G2E3: variants seen among roughly 807,000 people sequenced by gnomAD.
G2E3 encodes G2/M-phase specific E3 ubiquitin protein ligase, also known as G2/M phase-specific E3 ubiquitin-protein ligase.
G2E3 carries 35 observed loss-of-function variants against 92.8 expected under a neutral mutation model. That is an observed-to-expected ratio of 0.38 (90% CI 0.29 to 0.50). The LOEUF is 0.50. Among genes scored for constraint, G2E3 ranks in the 20% least tolerant of loss-of-function variants. The probability of loss-of-function intolerance (pLI) is 0.94; values close to 1 mark genes in which losing one functional copy is unlikely to be tolerated. For missense variants in G2E3, 554 were observed against 823.8 expected (o/e 0.67, Z 4.01); for synonymous variants, 242 against 272.4 (o/e 0.89, Z 1.10).
chr14:30,586,183 CA>C (rs1318431824), intron 2 of G2E3, among the ~76,000 whole-genome samples: 3 of 152,124 alleles, frequency 2.0e-5, no homozygotes, highest in African/African-American at 7.2e-5. Flanking sequence ...TCATACAGGT[CA>C]AAACAATCAC....
At chr14:30,587,474 TA>T (rs1233281836) in intron 3 of G2E3, among the ~76,000 whole-genome samples, 1 of 152,196 alleles carries the variant, frequency 6.6e-6, no homozygotes, top group African/African-American at 2.4e-5. Context: ...ATCTGCTGCT[TA>T]AAAAATTATT....
At chr14:30,601,025 G>A (rs556929359) in intron 8 of G2E3, among the ~76,000 whole-genome samples, 1 of 152,210 alleles carries the variant, frequency 6.6e-6, no homozygotes, top group South Asian at 2.1e-4. Context: ...CACATACACA[G>A]GACAGAAATT....
At chr14:30,574,788 G>A (rs750382422) in intron 1 of G2E3, among the ~76,000 whole-genome samples, 24 of 152,216 alleles carry the variant, frequency 1.6e-4, no homozygotes, top group Non-Finnish European at 2.1e-4. Flanking sequence ...ATATTTTATC[G>A]TGTATTTGTA....
At chr14:30,588,177 A>G (rs1880815904) in intron 3 of G2E3, among the ~76,000 whole-genome samples, 1 of 152,134 alleles carries the variant, frequency 6.6e-6, no homozygotes, top group Admixed American at 6.6e-5. Flanking sequence ...GTAAAAAGAA[A>G]ATCTTTCCAT....
At chr14:30,607,808 G>A in intron 11 of G2E3, 80 bp from the exon 12 acceptor site, 1 of 677,986 alleles carries the variant, frequency 1.5e-6, no homozygotes, top group Non-Finnish European at 2.4e-6. Context: ...TAGATTTTTG[G>A]ACTAATTTTT....
Position 30,584,851 on chromosome 14 carries a change from C to T in G2E3, c.38-1867C>T, listed in dbSNP as rs558230306. 1.2e-3 allele frequency among the ~76,000 whole-genome samples: 140 copies of T among 115,924 alleles called. 1 individual carries two copies. The highest frequency in any genetic ancestry group is 4.5e-3 in the African/African-American group (133 of 29,830). The allele number at this position is 115,924 out of a possible 152,430, so 76.1% of individuals were successfully genotyped here. Reference sequence around the variant, plus strand: ...CTTTTTTTTTTTTTTTTTTTTGAGACGGAGTCTTGCTCTGTCGCCCAGGCT... The same window carrying T: ...CTTTTTTTTTTTTTTTTTTTTGAGATGGAGTCTTGCTCTGTCGCCCAGGCT... On this transcript the variant is annotated intron_variant, in intron 2 of 14. Transcript: ENST00000206595.
intron 1 of G2E3, chr14:30,559,801 T>C (rs1393890338): frequency 6.6e-6 from 1 of 152,186 alleles, no homozygotes; most frequent in Non-Finnish European, 1.5e-5. Context: ...TGACAGTCTT[T>C]GAAATGCCTG....
Position 30,607,982 on chromosome 14 carries a change from G to T in G2E3, c.1413G>T (p.Leu471Phe). The change falls in exon 12 of 15, where the codon TTG becomes TTT. Residue 471 changes from leucine (L) to phenylalanine (F), a missense_variant. Physicochemically the swap from Leu to Phe is conservative, Grantham distance 22. Transcript: ENST00000206595. Reference sequence around the variant, plus strand: ...CACCTGGTTTCTTTTCTAAAACCTTGTTTAACTGCCTTGTTTATGGACCAG... The same window carrying T: ...CACCTGGTTTCTTTTCTAAAACCTTTTTTAACTGCCTTGTTTATGGACCAG... ...GPSPGFFSKT[L>F]FNCLVYGPEN... 6.2e-7 allele frequency: 1 copy of T among 1,607,040 alleles called. No homozygotes were observed. The highest frequency in any genetic ancestry group is 8.5e-7 in the Non-Finnish European group (1 of 1,177,530).
At chr14:30,578,362 A>G (rs1272495580) in intron 1 of G2E3, among the ~76,000 whole-genome samples, 1 of 152,124 alleles carries the variant, frequency 6.6e-6, no homozygotes, top group African/African-American at 2.4e-5. Flanking sequence ...CTAAATGTTC[A>G]TTTTGTGCCA....
At chr14:30,612,432 T>C (rs1882138024) in intron 13 of G2E3, 53 bp downstream of exon 13, 1 of 1,102,076 alleles carries the variant, frequency 9.1e-7, no homozygotes, top group African/African-American at 1.6e-5. Context: ...TTTAAAGTGG[T>C]TAATTATCTT....
chr14:30,599,914 G>A (rs922878536), intron 8 of G2E3, among the ~76,000 whole-genome samples: 2 of 152,064 alleles, frequency 1.3e-5, no homozygotes. Context: ...CCATAAAAAG[G>A]GTTTGGCATT....
intron 2 of G2E3, among the ~76,000 whole-genome samples, chr14:30,586,489 T>C (rs1030995924): frequency 3.3e-5 from 5 of 152,182 alleles, no homozygotes; most frequent in Admixed American, 2.6e-4. Context: ...CTTCATAAAT[T>C]GCCATTTTAA....
At position 30,615,382 on chromosome 14, in the gene G2E3, G is replaced by T. The variant is rs969807974; in HGVS notation, c.1707G>T (p.Leu569Phe). The T allele has an allele frequency of 1.9e-6, 3 of 1,600,772 alleles. No homozygotes were observed. The African/African-American group carries it at 4.0e-5, about 22-fold the overall frequency. Reference sequence around the variant, plus strand: ...AGGGTCTGAAAACCCTTGGTGTTTTGGAGAAAATTCAGGCTTATCCAGAAG... The same window carrying T: ...AGGGTCTGAAAACCCTTGGTGTTTTTGAGAAAATTCAGGCTTATCCAGAAG... ...FKQGLKTLGV[L>F]EKIQAYPEAF... The change falls in exon 14 of 15, where the codon TTG (leucine) becomes TTT (phenylalanine). Residue 569 changes from leucine to phenylalanine, a missense_variant. Leu to Phe is a conservative substitution (Grantham distance 22). Transcript: ENST00000206595.
intron 1 of G2E3, among the ~76,000 whole-genome samples, chr14:30,565,590 C>G (rs1465020638): frequency 1.6e-5 from 2 of 124,476 alleles, no homozygotes; most frequent in Non-Finnish European, 3.4e-5. Flanking sequence ...ACATTTAGGT[C>G]TTGATCCATT....
chr14:30,589,536 G>A, intron 4 of G2E3, 52 bp downstream of exon 4: 1 of 914,832 alleles, frequency 1.1e-6, no homozygotes, highest in Non-Finnish European at 1.7e-6. Context: ...GTCAATACTT[G>A]GGAAGTCTTT....
At chr14:30,571,412 T>G (rs1879754613) in intron 1 of G2E3, among the ~76,000 whole-genome samples, 1 of 152,064 alleles carries the variant, frequency 6.6e-6, no homozygotes, top group South Asian at 2.1e-4. Context: ...GTGTTTTGCC[T>G]TTTTCTTTGC....
At chr14:30,593,697 T>C in intron 6 of G2E3, 58 bp downstream of exon 6, 2 of 1,191,044 alleles carry the variant, frequency 1.7e-6, no homozygotes, top group Non-Finnish European at 2.5e-6. Context: ...GCTTGCTGAT[T>C]TAAATTTTAA....
chr14:30,613,805 G>A (rs1000305561), intron 13 of G2E3, among the ~76,000 whole-genome samples: 1 of 148,830 alleles, frequency 6.7e-6, no homozygotes, highest in Non-Finnish European at 1.5e-5. Context: ...CATTTTCTTT[G>A]TCCTGTGTTG....
Position 30,559,239 on chromosome 14 carries a change from C to G in G2E3, c.-38C>G, listed in dbSNP as rs978490604. 6.6e-6 allele frequency: 1 copy of G among 152,624 alleles called. No individual in the cohort carries two copies. The highest frequency in any genetic ancestry group is 6.5e-5 in the Admixed American group (1 of 15,294). The allele number at this position is 152,624 out of a possible 1,614,324, so 9.5% of individuals were successfully genotyped here. On this transcript the variant is annotated 5_prime_UTR_variant, in exon 1 of 15. Transcript: ENST00000206595. Reference sequence around the variant, plus strand: ...GTACAGCGGGCCGGGAAAAGTGGCACTGAGGCTCTGGAACTTCTGCCCAGC... The same window carrying G: ...GTACAGCGGGCCGGGAAAAGTGGCAGTGAGGCTCTGGAACTTCTGCCCAGC...
Sources: allele counts gnomAD v4.1 joint callset (sites outside exome capture counted in the v4.1 genomes callset), GRCh38; gene constraint gnomAD v4.1.1; transcripts MANE v1.5; gene names NCBI Gene and HGNC (gene_info 2026-07-23, HGNC 2026-07-21).